Variants in TRIM9 observed in about 807,000 individuals in gnomAD.
The protein encoded by TRIM9 is tripartite motif containing 9.
In TRIM9, 26 loss-of-function variants were observed where a neutral mutation model predicts 78.3. That is an observed-to-expected ratio of 0.33 (90% confidence interval 0.24 to 0.46). The LOEUF is 0.46. TRIM9 is among the 20% of genes least tolerant of loss of function. The pLI is 1.00. For synonymous variants in TRIM9, 398 were observed against 416.5 expected (o/e 0.96, Z 0.54); for missense variants, 787 against 1,036.4 (o/e 0.76, Z 3.30).
At chr14:51,005,127 G>T (rs873914) in intron 5 of TRIM9, among the ~76,000 whole-genome samples, 68,202 of 151,918 alleles carry the variant, frequency 0.45, 15,383 homozygotes, top group South Asian at 0.65. Context: ...CCTGAACGCA[G>T]GTTTTGAGTC....
At chr14:51,024,039 G>A (rs919051301) in intron 2 of TRIM9, among the ~76,000 whole-genome samples, 2 of 152,208 alleles carry the variant, frequency 1.3e-5, no homozygotes, top group African/African-American at 2.4e-5. Context: ...CTTGAGCAAT[G>A]CTAAATTTTG....
intron 7 of TRIM9, 110 bp downstream of exon 7, chr14:50,997,940 C>A: frequency 1.3e-6 from 2 of 1,538,856 alleles, no homozygotes; most frequent in South Asian, 2.5e-5. Context: ...CAGAGCAAGT[C>A]ATGGAAACAC....
At chr14:51,047,921 C>T (rs1290091804) in intron 1 of TRIM9, among the ~76,000 whole-genome samples, 1 of 151,452 alleles carries the variant, frequency 6.6e-6, no homozygotes, top group Non-Finnish European at 1.5e-5. Context: ...GTTCGCACCA[C>T]TGCACTCCAA....
intron 11 of TRIM9, among the ~76,000 whole-genome samples, 180 bp from the exon 12 acceptor site, chr14:50,979,729 G>T (rs1433894199): frequency 1.3e-5 from 2 of 152,082 alleles, no homozygotes; most frequent in Non-Finnish European, 1.5e-5. Flanking sequence ...TATACCTGTT[G>T]GTACTGTGTG....
chr14:50,996,156 GCTTTT>G, intron 7 of TRIM9: 1 of 984,950 alleles, frequency 1.0e-6, no homozygotes, highest in Non-Finnish European at 1.2e-6. Flanking sequence ...ATGATGATAG[GCTTTT>G]CTTTGTATTC....
At chr14:51,080,809 G>A (rs558936364) in intron 1 of TRIM9, among the ~76,000 whole-genome samples, 25 of 152,282 alleles carry the variant, frequency 1.6e-4, no homozygotes, top group East Asian at 1.2e-3. Flanking sequence ...AGCCAGAAGT[G>A]GAAGTTGGGT....
chr14:51,085,476 C>T (rs370288904), intron 1 of TRIM9, among the ~76,000 whole-genome samples: 23 of 152,302 alleles, frequency 1.5e-4, no homozygotes, highest in South Asian at 8.3e-4. Flanking sequence ...CATTCTTAAA[C>T]GATATCCTCC....
chr14:51,039,031 A>G (rs1013488948), intron 1 of TRIM9, among the ~76,000 whole-genome samples: 1 of 152,262 alleles, frequency 6.6e-6, no homozygotes, highest in Non-Finnish European at 1.5e-5. Flanking sequence ...CGGGGTCATT[A>G]GAAATGCCTG....
intron 3 of TRIM9, among the ~76,000 whole-genome samples, chr14:51,013,849 A>G (rs886955440): frequency 2.0e-5 from 3 of 152,224 alleles, no homozygotes; most frequent in African/African-American, 7.2e-5. Context: ...TTTAAAAATT[A>G]AAGAGAGGTG....
intron 5 of TRIM9, among the ~76,000 whole-genome samples, chr14:51,007,632 T>G (rs117212610): frequency 6.6e-6 from 1 of 152,174 alleles, no homozygotes; most frequent in Non-Finnish European, 1.5e-5. Context: ...ACTAGGGTTA[T>G]GAGAATAAAA....
rs565593823 is a variant in TRIM9, at chr14:51,027,905, C to G, written c.823-2545G>C. On this transcript the variant is annotated intron_variant, in intron 1 of 12. Coordinates refer to ENST00000684578, the MANE Select transcript of TRIM9 (RefSeq NM_001387360.1). ...AGTTTTCTTCCTCTTTTTATTATAA[C>G]CTATGTTTAGTAACCACACTTAGAT... 1.2e-3 allele frequency among the ~76,000 whole-genome samples: 184 copies of G among 151,830 alleles called. 1 individual carries two copies. Among genetic ancestry groups the G allele is most frequent in the African/African-American group, 4.2e-3 (175 of 41,384 alleles).
chr14:51,071,179 C>A (rs556797473), intron 1 of TRIM9, among the ~76,000 whole-genome samples: 1 of 151,968 alleles, frequency 6.6e-6, no homozygotes, highest in East Asian at 1.9e-4. Context: ...GAGTTCAAAA[C>A]CAGCCCGGAC....
At chr14:51,064,175 A>G (rs2061563933) in intron 1 of TRIM9, among the ~76,000 whole-genome samples, 1 of 152,126 alleles carries the variant, frequency 6.6e-6, no homozygotes, top group Non-Finnish European at 1.5e-5. Flanking sequence ...TAGAACATAG[A>G]CTGTGTATAT....
intron 1 of TRIM9, among the ~76,000 whole-genome samples, chr14:51,062,849 T>C (rs563070254): frequency 1.3e-5 from 2 of 152,280 alleles, no homozygotes; most frequent in Admixed American, 6.5e-5. Flanking sequence ...ATCTGCCAAG[T>C]GAAGAGGAGT....
chr14:50,981,293 A>C (rs566304380), intron 11 of TRIM9, among the ~76,000 whole-genome samples: 3 of 152,308 alleles, frequency 2.0e-5, no homozygotes, highest in African/African-American at 7.2e-5. Flanking sequence ...TGGCATCCAT[A>C]AGCTTTAGTT....
chr14:51,050,391 G>A (rs950175674), intron 1 of TRIM9, among the ~76,000 whole-genome samples: 1 of 152,134 alleles, frequency 6.6e-6, no homozygotes, highest in Non-Finnish European at 1.5e-5. Flanking sequence ...GGTTCTCATT[G>A]CCTCTTTGCC....
At chr14:51,064,855 TATAAATCATA>T (rs1341645089) in intron 1 of TRIM9, among the ~76,000 whole-genome samples, 10 of 152,220 alleles carry the variant, frequency 6.6e-5, no homozygotes, top group African/African-American at 2.2e-4. Context: ...TTGAAATCAT[TATAAATCATA>T]ATAAATCATA....
At position 51,094,993 on chromosome 14, in the gene TRIM9, G is replaced by C; in HGVS notation, c.-54C>G. On this transcript the variant is annotated 5_prime_UTR_variant, in exon 1 of 13. Coordinates refer to ENST00000684578, the MANE Select transcript of TRIM9 (RefSeq NM_001387360.1). ...GGCTGCAGCGGGTGCCTGAGCTGGC[G>C]AGGTGGCCGACGGGCCCGTCTTGTC... The C allele has an allele frequency of 7.5e-7, 1 of 1,327,248 alleles. No homozygotes were observed. Among genetic ancestry groups the C allele is most frequent in the Non-Finnish European group, 9.8e-7 (1 of 1,024,132 alleles). 82.2% of individuals were successfully genotyped at this position (1,327,248 alleles called of 1,614,324 possible). A position where few individuals can be genotyped will look rare whatever the true frequency, so the allele number is the denominator to read the frequency against.
chr14:51,057,898 C>T (rs768413135), intron 1 of TRIM9, among the ~76,000 whole-genome samples: 1 of 152,134 alleles, frequency 6.6e-6, no homozygotes, highest in Non-Finnish European at 1.5e-5. Context: ...AGTTTATCCA[C>T]TAAAGATCAG....
Sources: allele counts gnomAD v4.1 joint callset (sites outside exome capture counted in the v4.1 genomes callset), GRCh38; gene constraint gnomAD v4.1.1; transcripts MANE v1.5; gene names NCBI Gene and HGNC (gene_info 2026-07-23, HGNC 2026-07-21).